Variants in PLCG2 observed in about 807,000 individuals in gnomAD.
PLCG2 encodes 1-phosphatidylinositol 4,5-bisphosphate phosphodiesterase gamma-2.
A neutral mutation model predicts 175.6 loss-of-function variants in PLCG2; 69 were observed. The ratio of observed to expected loss-of-function variants is 0.39; its 90% CI spans 0.32 to 0.48. The LOEUF (loss-of-function observed/expected upper bound fraction) is 0.48. PLCG2 is among the 20% of genes least tolerant of loss of function. The pLI is 0.91. For missense variants in PLCG2, 1,798 were observed against 1,650.9 expected (o/e 1.09, Z -1.54); for synonymous variants, 827 against 624.0 (o/e 1.33, Z -4.85).
chr16:81,881,285 A>G (rs1362962881), intron 8 of PLCG2, among the ~76,000 whole-genome samples: 1 of 152,224 alleles, frequency 6.6e-6, no homozygotes, highest in African/African-American at 2.4e-5. Flanking sequence ...TTAATGATCA[A>G]ATAAGTGAAA....
rs151013036 is a variant in PLCG2, at chr16:81,907,750, G to C, written c.1533G>C (p.Gln511His). ...AKLSFSDDIE[Q>H]TMEEEVPQDI... Reference sequence around the variant, plus strand: ...TGTCCTTCAGTGATGACATTGAACAGACTATGGAGGAGGAAGTGCCCCAGG... The same window carrying C: ...TGTCCTTCAGTGATGACATTGAACACACTATGGAGGAGGAAGTGCCCCAGG... The change falls in exon 16 of 33, where the codon CAG (glutamine) becomes CAC (histidine). Residue 511 changes from glutamine to histidine, a missense_variant. Transcript: ENST00000564138. 2.0e-4 allele frequency: 330 copies of C among 1,613,708 alleles called. No individual in the cohort carries two copies. In the African/African-American group the frequency reaches 4.0e-3, roughly 19 times the overall value.
chr16:81,899,264 A>ATGTGTGTG (rs200982591), intron 13 of PLCG2, among the ~76,000 whole-genome samples: 25 of 132,108 alleles, frequency 1.9e-4, no homozygotes, highest in African/African-American at 7.4e-4. Context: ...CAGGAGGAGT[A>ATGTGTGTG]TGTGTGTATA....
chr16:81,828,775 C>T (rs910616021), intron 2 of PLCG2, among the ~76,000 whole-genome samples: 1 of 152,186 alleles, frequency 6.6e-6, no homozygotes, highest in African/African-American at 2.4e-5. Flanking sequence ...TGGCATTTTC[C>T]TGAGTGCCTG....
At chr16:81,894,906 T>C (rs1468314287) in intron 12 of PLCG2, among the ~76,000 whole-genome samples, 1 of 151,756 alleles carries the variant, frequency 6.6e-6, no homozygotes, top group East Asian at 1.9e-4. Context: ...ATAAATAAAA[T>C]AAAAAAGGCA....
At chr16:81,811,468 C>T (rs368009623) in intron 2 of PLCG2, among the ~76,000 whole-genome samples, 13 of 152,130 alleles carry the variant, frequency 8.5e-5, no homozygotes, top group African/African-American at 1.2e-4. Flanking sequence ...ATGATGTTTC[C>T]GTTTTCTTTT....
At chr16:81,826,887 T>C (rs139307832) in intron 2 of PLCG2, among the ~76,000 whole-genome samples, 3 of 152,330 alleles carry the variant, frequency 2.0e-5, no homozygotes, top group African/African-American at 7.2e-5. Flanking sequence ...TTCTTCTGTA[T>C]CCATTTGAGG....
At chr16:81,741,199 G>A (rs1414851026) in intron 1 of PLCG2, among the ~76,000 whole-genome samples, 1 of 152,178 alleles carries the variant, frequency 6.6e-6, no homozygotes, top group Non-Finnish European at 1.5e-5. Context: ...CTTATAAGAG[G>A]AAACAAACAA....
At chr16:81,800,144 T>G (rs1911657635) in intron 2 of PLCG2, among the ~76,000 whole-genome samples, 1 of 152,180 alleles carries the variant, frequency 6.6e-6, no homozygotes, top group African/African-American at 2.4e-5. Flanking sequence ...ATACTTTGGG[T>G]ATCATAGTAC....
intron 2 of PLCG2, among the ~76,000 whole-genome samples, chr16:81,835,130 AC>A (rs760371263): frequency 1.5e-4 from 23 of 152,146 alleles, no homozygotes; most frequent in Non-Finnish European, 1.9e-4. Flanking sequence ...TCACTGTGTG[AC>A]CTTGGACAAG....
chr16:81,822,002 T>C lies in PLCG2; in HGVS notation c.194-32442T>C, dbSNP rs146584498. 2.6e-3 allele frequency among the ~76,000 whole-genome samples: 401 copies of C among 152,294 alleles called. 1 individual carries two copies. Among genetic ancestry groups the C allele is most frequent in the African/African-American group, 9.2e-3 (384 of 41,552 alleles). Reference sequence around the variant, plus strand: ...CTTCGCTGAGCCTTCTCTTTTCCTGTGTTAACTAGGGAAGATGAGACTAGA... The same window carrying C: ...CTTCGCTGAGCCTTCTCTTTTCCTGCGTTAACTAGGGAAGATGAGACTAGA... On this transcript the variant is annotated intron_variant, in intron 2 of 32. Transcript: ENST00000564138.
intron 2 of PLCG2, among the ~76,000 whole-genome samples, chr16:81,789,900 T>C (rs1911155509): frequency 7.0e-6 from 1 of 142,066 alleles, no homozygotes; most frequent in African/African-American, 2.7e-5. Flanking sequence ...GGCGCCGCCC[T>C]AGGCGCTAGA....
intron 2 of PLCG2, among the ~76,000 whole-genome samples, chr16:81,770,345 G>A (rs1248002605): frequency 6.6e-6 from 1 of 152,196 alleles, no homozygotes; most frequent in East Asian, 1.9e-4. Flanking sequence ...GACATGCATA[G>A]TAAAGAATAT....
rs548357716 is a variant in PLCG2, at chr16:81,754,070, C to T, written c.-144-1800C>T. ...TTCTAGGAGGAAAGTCCAGGCCAGGCCTGAAAGGACTTCGCTCCTTGGTAA... is the reference window on the plus strand; with the variant it reads ...TTCTAGGAGGAAAGTCCAGGCCAGGTCTGAAAGGACTTCGCTCCTTGGTAA... On this transcript the variant is annotated intron_variant, in intron 1 of 5. Coordinates refer to the PLCG2 transcript ENST00000565054. 1.8e-4 allele frequency among the ~76,000 whole-genome samples: 27 copies of T among 152,152 alleles called. No homozygotes were observed. In the East Asian group the frequency reaches 4.1e-3, roughly 23 times the overall value.
Position 81,941,066 on chromosome 16 carries a change from G to GTCTT in PLCG2, c.3481+1009_3481+1012dup, listed in dbSNP as rs1466795124. ...TTAGTTACTTACATAAAAAAATACAGTCTTTTGATATTGTTTGGAAACGTG... is the reference window on the plus strand; with the variant it reads ...TTAGTTACTTACATAAAAAAATACAGTCTTTCTTTTGATATTGTTTGGAAACGTG... On this transcript the variant is annotated intron_variant, in intron 30 of 32. Coordinates refer to ENST00000564138, the MANE Select transcript of PLCG2 (RefSeq NM_002661.5). 7.2e-5 allele frequency among the ~76,000 whole-genome samples: 11 copies of GTCTT among 152,258 alleles called. No homozygotes were observed. The South Asian group carries it at 2.1e-3, about 29-fold the overall frequency.
chr16:81,759,202 A>G (rs1909989942), intron 2 of PLCG2, among the ~76,000 whole-genome samples: 2 of 152,116 alleles, frequency 1.3e-5, no homozygotes, highest in South Asian at 2.1e-4. Flanking sequence ...CTAGTCCTTT[A>G]TCAGATACAT....
Position 81,928,621 on chromosome 16 carries a change from G to A in PLCG2, c.2578G>A (p.Val860Ile), listed in dbSNP as rs370187601. The change falls in exon 24 of 33, where the codon GTC (valine) becomes ATC (isoleucine). Residue 860 changes from valine to isoleucine, a missense_variant. Val to Ile is a conservative substitution (Grantham distance 29). Coordinates refer to ENST00000564138, the MANE Select transcript of PLCG2 (RefSeq NM_002661.5). ...AATATTGGACCTCAATACCTATAAC[G>A]TCGGTACGTGCACACATCATCTTAG... ...RGILDLNTYN[V>I]VKAPQGKNQK... The A allele has an allele frequency of 1.5e-5, 24 of 1,594,434 alleles. No individual in the cohort carries two copies. The highest frequency in any genetic ancestry group is 4.4e-5 in the South Asian group (4 of 90,702).
intron 26 of PLCG2, 83 bp from the exon 27 acceptor site, chr16:81,936,086 G>T: frequency 6.4e-7 from 1 of 1,551,426 alleles, no homozygotes; most frequent in South Asian, 1.2e-5. Context: ...TTTATAATCT[G>T]AGCATCCAGC....
intron 2 of PLCG2, among the ~76,000 whole-genome samples, chr16:81,760,961 TG>T (rs1910029873): frequency 6.6e-6 from 1 of 152,096 alleles, no homozygotes; most frequent in Non-Finnish European, 1.5e-5. Context: ...TAGAATGCAG[TG>T]GCGTGATCTC....
At chr16:81,800,665 C>CTAT (rs59716859) in intron 2 of PLCG2, among the ~76,000 whole-genome samples, 3,185 of 151,176 alleles carry the variant, frequency 0.021, 40 homozygotes, top group South Asian at 0.048. Flanking sequence ...GATACTATTG[C>CTAT]TATTATTATT....
Sources: allele counts gnomAD v4.1 joint callset (sites outside exome capture counted in the v4.1 genomes callset), GRCh38; gene constraint gnomAD v4.1.1; transcripts MANE v1.5; gene names NCBI Gene and HGNC (gene_info 2026-07-23, HGNC 2026-07-21).